The following RCC2 variants were observed in gnomAD, a reference collection of about 807,000 sequenced individuals.
The protein encoded by RCC2 is protein RCC2.
RCC2 carries 19 observed loss-of-function variants against 64.1 expected under a neutral mutation model. The observed-to-expected ratio is 0.30, with a 90% CI of 0.21 to 0.44. RCC2 has a LOEUF of 0.44. Among genes scored for constraint, RCC2 ranks in the 20% least tolerant of loss-of-function variants. The probability of loss-of-function intolerance (pLI) is 1.00; values close to 1 mark genes in which losing one functional copy is unlikely to be tolerated. For synonymous variants in RCC2, 325 were observed against 279.6 expected, an observed-to-expected ratio of 1.16 and a Z score of -1.62; for missense variants, 508 against 710.4, an observed-to-expected ratio of 0.72 and a Z score of 3.24.
chr1:17,422,232 G>C lies in RCC2; in HGVS notation c.715C>G (p.Gln239Glu). ...GCGGGGCTGGGAACAGCGTCTGTCTGGTTGCCAAGGCCCAGCTGCCCCATC... is the reference window on the plus strand; with the variant it reads ...GCGGGGCTGGGAACAGCGTCTGTCTCGTTGCCAAGGCCCAGCTGCCCCATC... Reference protein sequence around the residue: ...NKMGQLGLGNQTDAVPSPAQI... With the variant: ...NKMGQLGLGNETDAVPSPAQI... Residue 239 changes from glutamine to glutamate, a missense_variant, in exon 6 of 13, where the codon CAG (glutamine) becomes GAG (glutamate). By Grantham distance (29) the Gln-to-Glu change is conservative (BLOSUM62 2). This residue lies in a region of RCC2 where 132 missense variants were observed against 207.3 expected (regional missense o/e 0.64). Coordinates refer to ENST00000375436, the MANE Select transcript of RCC2 (RefSeq NM_018715.4). 6.2e-7 allele frequency: 1 copy of C among 1,612,286 alleles called. No homozygotes were observed. Among genetic ancestry groups the C allele is most frequent in the Non-Finnish European group, 8.5e-7 (1 of 1,179,792 alleles).
At chr1:17,413,971 C>G (rs1330514856) in intron 8 of RCC2, among the ~76,000 whole-genome samples, 2 of 151,676 alleles carry the variant, frequency 1.3e-5, no homozygotes, top group African/African-American at 4.8e-5. Context: ...TCTCCAAAAA[C>G]CAAAGAAATA....
intron 2 of RCC2, among the ~76,000 whole-genome samples, chr1:17,437,609 G>A (rs2075749543): frequency 1.6e-4 from 1 of 6,070 alleles, no homozygotes; most frequent in Admixed American, 1.8e-3. Context: ...ACCACCGGCG[G>A]CAAACAAAGC....
At chr1:17,420,277 G>GGGGGTCCACCA (rs1553157169) in intron 7 of RCC2, among the ~76,000 whole-genome samples, 1 of 152,188 alleles carries the variant, frequency 6.6e-6, no homozygotes, top group African/African-American at 2.4e-5. Flanking sequence ...CGCACGGGGA[G>GGGGGTCCACCA]GGGGTCCACC....
chr1:17,409,232 C>T lies in RCC2; in HGVS notation c.1465-38G>A, dbSNP rs753434033. ...ATCAGCGTTGGGTGTGCCTGAGGCG[C>T]CTGGACTAATCAATGCGTTGAAGAG... On this transcript the variant is annotated intron_variant, in intron 12 of 12. Coordinates refer to ENST00000375436, the MANE Select transcript of RCC2 (RefSeq NM_018715.4). The T allele has an allele frequency of 3.0e-6, 4 of 1,324,242 alleles. No individual in the cohort carries two copies. In the Admixed American group the frequency reaches 6.7e-5, roughly 22 times the overall value. 82.0% of individuals were successfully genotyped at this position (1,324,242 alleles called of 1,614,324 possible). A position where few individuals can be genotyped will look rare whatever the true frequency, so the allele number is the denominator to read the frequency against.
chr1:17,413,861 G>A (rs2003871), intron 8 of RCC2, 144 bp from the exon 9 acceptor site: 201,393 of 756,068 alleles, frequency 0.27, 28,102 homozygotes, highest in East Asian at 0.37. Context: ...AGCCGGGCAC[G>A]GTGGTTCACA....
intron 2 of RCC2, among the ~76,000 whole-genome samples, chr1:17,437,909 G>C (rs1239934209): frequency 2.1e-5 from 3 of 145,270 alleles, no homozygotes; most frequent in Non-Finnish European, 4.6e-5. Context: ...GGGGCGCAGA[G>C]GGAGCTGTGG....
intron 2 of RCC2, among the ~76,000 whole-genome samples, chr1:17,429,789 T>C (rs1029197217): frequency 2.6e-5 from 4 of 152,158 alleles, no homozygotes; most frequent in African/African-American, 9.7e-5. Flanking sequence ...CGGCCTTTGA[T>C]GGCACCCTCA....
At chr1:17,411,574 C>G (rs1162278612) in intron 11 of RCC2, among the ~76,000 whole-genome samples, 4 of 146,832 alleles carry the variant, frequency 2.7e-5, no homozygotes, top group African/African-American at 1.0e-4. Context: ...CAGAGAAACT[C>G]CATCTCAAAA....
intron 2 of RCC2, among the ~76,000 whole-genome samples, chr1:17,437,629 G>A (rs2075749988): frequency 8.6e-4 from 4 of 4,664 alleles, no homozygotes; most frequent in African/African-American, 7.8e-3. Context: ...CCCGAGCACC[G>A]CTCAGCCGGG....
rs575639333 is a variant in RCC2, at chr1:17,429,298, A to ACT, written c.286-100_286-99insAG. On this transcript the variant is annotated intron_variant, in intron 2 of 12. Transcript: ENST00000375436. Reference sequence around the variant, plus strand: ...AGCACGAAACGAAAGAAAATCATTCAGTTAGCCCTTATGTCACCTGTGACC... The same window carrying ACT: ...AGCACGAAACGAAAGAAAATCATTCACTGTTAGCCCTTATGTCACCTGTGACC... 170 of 926,844 alleles carry ACT rather than the reference A, an allele frequency of 1.8e-4. 1 individual carries two copies. The African/African-American group carries it at 2.6e-3, about 14-fold the overall frequency. 57.4% of individuals were successfully genotyped at this position (926,844 alleles called of 1,614,324 possible). A position where few individuals can be genotyped will look rare whatever the true frequency, so the allele number is the denominator to read the frequency against.
chr1:17,415,589 A>AGG (rs2075473843), intron 8 of RCC2, among the ~76,000 whole-genome samples: 1 of 151,878 alleles, frequency 6.6e-6, no homozygotes, highest in Non-Finnish European at 1.5e-5. Flanking sequence ...AGGTGCCTCT[A>AGG]ATCCCAGCTA....
intron 2 of RCC2, among the ~76,000 whole-genome samples, chr1:17,431,336 A>AAAAAAATAAAAAATT (rs1203130140): frequency 2.1e-5 from 1 of 46,540 alleles, no homozygotes; most frequent in African/African-American, 9.1e-5. Flanking sequence ...TCCATCTCAA[A>AAAAAAATAAAAAATT]AAAAAAAAAA....
intron 2 of RCC2, among the ~76,000 whole-genome samples, chr1:17,431,985 A>C (rs892525776): frequency 1.3e-5 from 2 of 152,124 alleles, no homozygotes; most frequent in South Asian, 4.2e-4. Flanking sequence ...CTACTTGGGA[A>C]GCTGAGGCAA....
chr1:17,438,826 A>G (rs1281091919), intron 1 of RCC2, among the ~76,000 whole-genome samples: 2 of 152,092 alleles, frequency 1.3e-5, no homozygotes, highest in Non-Finnish European at 2.9e-5. Context: ...CACAGTTGCA[A>G]CCTCGCCCCC....
intron 7 of RCC2, among the ~76,000 whole-genome samples, chr1:17,418,452 A>AT (rs973417080): frequency 1.3e-5 from 2 of 152,062 alleles, no homozygotes; most frequent in East Asian, 3.9e-4. Context: ...AGGTCAAGAG[A>AT]TTGAGACCAT....
intron 11 of RCC2, 34 bp downstream of exon 11, chr1:17,412,088 C>CCA: frequency 6.2e-7 from 1 of 1,608,174 alleles, no homozygotes; most frequent in Non-Finnish European, 8.5e-7. Flanking sequence ...TGACTGGCTT[C>CCA]CACTTCCCCT....
chr1:17,438,677 G>C (rs887962153), intron 1 of RCC2, 155 bp from the exon 2 acceptor site: 1 of 699,440 alleles, frequency 1.4e-6, no homozygotes, highest in Non-Finnish European at 2.0e-6. Flanking sequence ...AGTTGGGAGA[G>C]GAAATCGCGC....
intron 2 of RCC2, among the ~76,000 whole-genome samples, chr1:17,433,035 CAT>C (rs532862943): frequency 5.7e-4 from 87 of 152,150 alleles, no homozygotes; most frequent in African/African-American, 1.8e-3. Context: ...CACACACACA[CAT>C]ATACATACGT....
intron 3 of RCC2, among the ~76,000 whole-genome samples, chr1:17,425,887 C>T (rs1016630678): frequency 2.0e-5 from 3 of 152,188 alleles, no homozygotes; most frequent in Non-Finnish European, 4.4e-5. Flanking sequence ...GCCCAAAAAT[C>T]AAAATACCCA....
Sources: allele counts gnomAD v4.1 joint callset (sites outside exome capture counted in the v4.1 genomes callset), GRCh38; gene constraint gnomAD v4.1.1; regional missense constraint gnomAD v4.1.1; transcripts MANE v1.5; gene names NCBI Gene and HGNC (gene_info 2026-07-23, HGNC 2026-07-21).